OTUD7B: variants seen among roughly 807,000 people sequenced by gnomAD.
OTUD7B encodes OTU deubiquitinase 7B.
OTUD7B carries 34 observed loss-of-function variants against 82.2 expected under a neutral mutation model. The observed-to-expected ratio is 0.41, with a 90% CI of 0.31 to 0.55. The LOEUF (loss-of-function observed/expected upper bound fraction) is 0.55, where lower values mean the gene tolerates loss of function less well. Among genes scored for constraint, OTUD7B ranks in the 20% least tolerant of loss-of-function variants. The pLI is 0.20. For missense variants in OTUD7B, 944 were observed against 1,062.1 expected (o/e 0.89, Z 1.55); for synonymous variants, 398 against 402.7 (o/e 0.99, Z 0.14).
chr1:149,965,724 G>T lies in OTUD7B; in HGVS notation c.604+53C>A. The T allele has an allele frequency of 2.3e-6, 3 of 1,293,066 alleles. No individual in the cohort carries two copies. In the South Asian group the frequency reaches 3.7e-5, roughly 16 times the overall value. The allele number at this position is 1,293,066 out of a possible 1,614,324, so 80.1% of individuals were successfully genotyped here. ...GGATCAAGTCCTACACATGAGATTT[G>T]ACTCAACTGCTTCCTTTCTGCAGGT... is the stretch of plus-strand genomic sequence containing the variant. On this transcript the variant is annotated intron_variant, in intron 5 of 11. Transcript: ENST00000581312.
chr1:149,990,272 G>A (rs1329670388), intron 1 of OTUD7B, among the ~76,000 whole-genome samples: 1 of 152,226 alleles, frequency 6.6e-6, no homozygotes, highest in East Asian at 1.9e-4. Context: ...CCAGGATGGA[G>A]GACAAGAATA....
At chr1:149,949,855 C>A in intron 8 of OTUD7B, 77 bp from the exon 9 acceptor site, 1 of 1,472,004 alleles carries the variant, frequency 6.8e-7, no homozygotes. Context: ...ACTCTGCCAA[C>A]TGAGTCCCTC....
Position 149,964,126 on chromosome 1 carries a change from T to C in OTUD7B, c.732+96A>G, listed in dbSNP as rs1486034559. The C allele has an allele frequency of 2.1e-6, 3 of 1,440,374 alleles. No homozygotes were observed. In the African/African-American group the frequency reaches 4.2e-5, roughly 20 times the overall value. The allele number at this position is 1,440,374 out of a possible 1,614,324, so 89.2% of individuals were successfully genotyped here. On this transcript the variant is annotated intron_variant, in intron 6 of 11. Coordinates refer to ENST00000581312, the MANE Select transcript of OTUD7B (RefSeq NM_020205.4). ...GATCATAAGGGGAGTCACACTGACC[T>C]AAACACTTGGAAATATTTTCTACTG...
At chr1:149,991,734 A>C (rs1553782124) in intron 1 of OTUD7B, among the ~76,000 whole-genome samples, 1 of 152,162 alleles carries the variant, frequency 6.6e-6, no homozygotes, top group African/African-American at 2.4e-5. Flanking sequence ...CCATTCCAGT[A>C]ATCTTTCCTT....
At chr1:150,016,308 C>T in the OTUD7B span, among the ~76,000 whole-genome samples, 43 of 152,166 alleles carry the variant, frequency 2.8e-4, no homozygotes, top group Non-Finnish European at 5.3e-4. Context: ...CTGGTCTTAA[C>T]TCCATTTCTA....
upstream of OTUD7B, among the ~76,000 whole-genome samples, chr1:150,014,058 A>ATGTGTGTG (rs782449466): frequency 6.8e-3 from 597 of 87,486 alleles, 8 homozygotes; most frequent in Middle Eastern, 0.029. Context: ...GTGTATATAT[A>ATGTGTGTG]TGTGTGTGTG....
intron 3 of OTUD7B, among the ~76,000 whole-genome samples, chr1:149,967,865 G>A (rs1222701301): frequency 6.6e-6 from 1 of 152,150 alleles, no homozygotes; most frequent in African/African-American, 2.4e-5. Context: ...TGTTTGGTGG[G>A]AGGAGAGGGA....
intron 7 of OTUD7B, among the ~76,000 whole-genome samples, chr1:149,955,351 T>G (rs1559832299): frequency 6.6e-6 from 1 of 152,228 alleles, no homozygotes; most frequent in Non-Finnish European, 1.5e-5. Context: ...GTTGAGCAGT[T>G]CTGAGTGAGT....
At chr1:150,063,228 G>A in the OTUD7B span, among the ~76,000 whole-genome samples, 1 of 152,096 alleles carries the variant, frequency 6.6e-6, no homozygotes, top group African/African-American at 2.4e-5. Flanking sequence ...AAGGCAGGCA[G>A]ATCACTTGAG....
At chr1:150,041,477 C>T in the OTUD7B span, among the ~76,000 whole-genome samples, 22,671 of 152,002 alleles carry the variant, frequency 0.15, 1,844 homozygotes, top group African/African-American at 0.18. Context: ...GGATTACAGG[C>T]TCATGCCACC....
chr1:150,010,290 G>A (rs1272663902), intron 1 of OTUD7B, among the ~76,000 whole-genome samples, 158 bp downstream of exon 1: 6 of 152,138 alleles, frequency 3.9e-5, no homozygotes, highest in African/African-American at 1.4e-4. Context: ...AGCAGTCAGG[G>A]CGAGAAAGGA....
the OTUD7B span, among the ~76,000 whole-genome samples, chr1:150,046,183 G>A: frequency 6.6e-6 from 1 of 152,072 alleles, no homozygotes; most frequent in Non-Finnish European, 1.5e-5. Context: ...CAGTTGTGTG[G>A]CATATGGGTG....
In OTUD7B at chr1:149,967,276, G is replaced by A; in HGVS notation, c.502+18C>T. The A allele has an allele frequency of 6.4e-7, 1 of 1,561,576 alleles. No individual in the cohort carries two copies. Among genetic ancestry groups the A allele is most frequent in the Non-Finnish European group, 8.8e-7 (1 of 1,133,198 alleles). ...GGAGAGTAGAGGGAAGAGTGTGGGAGAGGAAGCACTCACTGACCTGCCTGT... is the reference window on the plus strand; with the variant it reads ...GGAGAGTAGAGGGAAGAGTGTGGGAAAGGAAGCACTCACTGACCTGCCTGT... On this transcript the variant is annotated intron_variant, in intron 4 of 11. Coordinates refer to ENST00000581312, the MANE Select transcript of OTUD7B (RefSeq NM_020205.4).
At chr1:150,045,547 G>T in the OTUD7B span, among the ~76,000 whole-genome samples, 1 of 152,208 alleles carries the variant, frequency 6.6e-6, no homozygotes, top group Non-Finnish European at 1.5e-5. Context: ...TTGGAAAATT[G>T]AGACCAAAAA....
the OTUD7B span, among the ~76,000 whole-genome samples, chr1:150,063,689 G>C: frequency 6.6e-6 from 1 of 152,158 alleles, no homozygotes; most frequent in Non-Finnish European, 1.5e-5. Context: ...CAGAAAGGTG[G>C]AATCACTGAA....
chr1:149,981,956 T>G (rs890291017), intron 1 of OTUD7B, among the ~76,000 whole-genome samples: 10 of 152,156 alleles, frequency 6.6e-5, no homozygotes, highest in African/African-American at 2.4e-4. Flanking sequence ...GAGACCATCC[T>G]GGCTAACACG....
chr1:149,998,167 T>C (rs1380286493), intron 1 of OTUD7B, among the ~76,000 whole-genome samples: 1 of 152,170 alleles, frequency 6.6e-6, no homozygotes, highest in Non-Finnish European at 1.5e-5. Context: ...TCTCTTCAAA[T>C]TACTCAAATC....
chr1:149,944,278 C>T lies in OTUD7B; in HGVS notation c.2111G>A (p.Gly704Asp), dbSNP rs782031992. ...CCGGGGTTCCTGGCAGTGGACTCCGCCCCCAGACGGCCGAGGGATAGTAAA... is the reference window on the plus strand; with the variant it reads ...CCGGGGTTCCTGGCAGTGGACTCCGTCCCCAGACGGCCGAGGGATAGTAAA... The part of the protein sequence containing the change: ...GDFTIPRPSG[G>D]GVHCQEPRRQ... The change falls in exon 12 of 12, where the codon GGC (glycine) becomes GAC (aspartate). Residue 704 changes from glycine (G) to aspartate (D), a missense_variant. Transcript: ENST00000581312. The T allele has an allele frequency of 6.2e-7, 1 of 1,610,104 alleles. No individual in the cohort carries two copies. The highest frequency in any genetic ancestry group is 2.2e-5 in the East Asian group (1 of 44,846).
chr1:149,983,628 G>T (rs782152180), intron 1 of OTUD7B, among the ~76,000 whole-genome samples: 2 of 152,052 alleles, frequency 1.3e-5, no homozygotes, highest in South Asian at 2.1e-4. Context: ...TGGCAGGAAG[G>T]AACATAAAGA....
Sources: gnomAD v4.1 joint callset for allele counts (sites outside exome capture counted in the v4.1 genomes callset) on GRCh38, gnomAD v4.1.1 for gene constraint, MANE v1.5 for transcripts, NCBI Gene and HGNC (gene_info 2026-07-23, HGNC 2026-07-21) for gene names.